The following HTR2A variants were observed in gnomAD, a reference collection of about 807,000 sequenced individuals.
The protein encoded by HTR2A is 5-HT2 receptor.
In HTR2A, 14 loss-of-function variants were observed where a neutral mutation model predicts 31.0. That is an observed-to-expected ratio of 0.45 (90% CI 0.30 to 0.71). The LOEUF is 0.71. Among genes scored for constraint, HTR2A ranks in the 30% least tolerant of loss-of-function variants. The pLI is 0.09. For missense variants in HTR2A, 442 were observed against 573.3 expected, an observed-to-expected ratio of 0.77 and a Z score of 2.34; for synonymous variants, 209 against 225.2, an observed-to-expected ratio of 0.93 and a Z score of 0.64.
At chr13:46,886,807 A>C (rs1162734989) in intron 3 of HTR2A, among the ~76,000 whole-genome samples, 1 of 152,196 alleles carries the variant, frequency 6.6e-6, no homozygotes, top group Non-Finnish European at 1.5e-5. Flanking sequence ...AGATTGAGAG[A>C]CCGAATAGCT....
chr13:46,866,862 A>G (rs1329647309), intron 3 of HTR2A, among the ~76,000 whole-genome samples: 1 of 152,158 alleles, frequency 6.6e-6, no homozygotes, highest in Non-Finnish European at 1.5e-5. Flanking sequence ...CATATTCTCT[A>G]CTAAAAATAC....
chr13:46,835,025 A>G lies in HTR2A; in HGVS notation c.1228T>C (p.Leu410=), dbSNP rs752143487. 6.2e-7 allele frequency: 1 copy of G among 1,614,118 alleles called. No individual in the cohort carries two copies. The highest frequency in any genetic ancestry group is 1.7e-5 in the Admixed American group (1 of 60,006). Residue 410 remains leucine (L), a synonymous_variant, in exon 4 of 4, where the codon TTA becomes CTA. Coordinates refer to ENST00000542664, the MANE Select transcript of HTR2A (RefSeq NM_000621.5). ...GCCAAAGCCGGTATTGTGTTCACTA[A>G]AATTAACTGCAATGGTTTTTTGTTT... is the stretch of plus-strand genomic sequence containing the variant. ...KENKKPLQLI[L]VNTIPALAYK...
chr13:46,891,060 C>T (rs1292346547), intron 3 of HTR2A, among the ~76,000 whole-genome samples: 1 of 152,188 alleles, frequency 6.6e-6, no homozygotes, highest in African/African-American at 2.4e-5. Flanking sequence ...ACAGAAAGAA[C>T]AGGGCATGGT....
chr13:46,888,065 CTTAAAAG>C (rs1439072439), intron 3 of HTR2A, among the ~76,000 whole-genome samples: 1 of 130,844 alleles, frequency 7.6e-6, no homozygotes, highest in Non-Finnish European at 1.6e-5. Flanking sequence ...TACCCCTGAA[CTTAAAAG>C]TTGAAGAACA....
At chr13:46,878,496 A>G (rs1950933244) in intron 3 of HTR2A, among the ~76,000 whole-genome samples, 1 of 152,154 alleles carries the variant, frequency 6.6e-6, no homozygotes, top group African/African-American at 2.4e-5. Context: ...TCATGCTGGG[A>G]TGTGGATTAT....
At chr13:46,837,526 C>T (rs1923882) in intron 3 of HTR2A, among the ~76,000 whole-genome samples, 39,936 of 152,072 alleles carry the variant, frequency 0.26, 5,557 homozygotes, top group African/African-American at 0.35. Context: ...AATTGTAGAA[C>T]AAAGAGTGTT....
chr13:46,869,338 C>T (rs555158435), intron 3 of HTR2A, among the ~76,000 whole-genome samples: 98 of 152,222 alleles, frequency 6.4e-4, no homozygotes, highest in Middle Eastern at 3.4e-3. Context: ...AAATGATCAA[C>T]GTCAGTAGTC....
intron 3 of HTR2A, among the ~76,000 whole-genome samples, chr13:46,843,623 T>C (rs1469192813): frequency 2.0e-5 from 3 of 152,078 alleles, no homozygotes; most frequent in South Asian, 2.1e-4. Flanking sequence ...GGCTGTGCCA[T>C]GCTGGGCTGT....
intron 3 of HTR2A, among the ~76,000 whole-genome samples, chr13:46,879,410 G>C (rs1950942882): frequency 6.6e-6 from 1 of 152,214 alleles, no homozygotes; most frequent in Non-Finnish European, 1.5e-5. Flanking sequence ...AACAATAAAA[G>C]GGAAGGAGGC....
At chr13:46,859,488 A>G (rs1273588579) in intron 3 of HTR2A, among the ~76,000 whole-genome samples, 1 of 152,124 alleles carries the variant, frequency 6.6e-6, no homozygotes, top group African/African-American at 2.4e-5. Context: ...GTGAAATTAT[A>G]ATCTCCAATG....
intron 3 of HTR2A, among the ~76,000 whole-genome samples, chr13:46,836,972 A>C (rs1950565586): frequency 6.6e-6 from 1 of 152,200 alleles, no homozygotes; most frequent in Non-Finnish European, 1.5e-5. Context: ...CAAGACAGCC[A>C]TAGACTTTTT....
intron 3 of HTR2A, among the ~76,000 whole-genome samples, chr13:46,855,353 T>C (rs1006310523): frequency 3.9e-5 from 6 of 152,208 alleles, no homozygotes; most frequent in Admixed American, 3.9e-4. Flanking sequence ...GGCTGATATG[T>C]AACCACTATG....
At chr13:46,860,713 T>C (rs891543513) in intron 3 of HTR2A, among the ~76,000 whole-genome samples, 1 of 152,202 alleles carries the variant, frequency 6.6e-6, no homozygotes, top group African/African-American at 2.4e-5. Flanking sequence ...TTACCCCCGA[T>C]TTATCAACAA....
chr13:46,892,329 G>A lies in HTR2A; in HGVS notation c.613+61C>T, dbSNP rs1018864617. The A allele has an allele frequency of 4.0e-6, 6 of 1,501,582 alleles. No individual in the cohort carries two copies. The Admixed American group carries it at 1.0e-4, about 25-fold the overall frequency. The allele number at this position is 1,501,582 out of a possible 1,614,324, so 93.0% of individuals were successfully genotyped here. A position where few individuals can be genotyped will look rare whatever the true frequency, so the allele number is the denominator to read the frequency against. ...GTTTCAGTACAACAAAATGGAACAAGTCTTTTCAGAAAGCACGAACTGTCA... is the reference window on the plus strand; with the variant it reads ...GTTTCAGTACAACAAAATGGAACAAATCTTTTCAGAAAGCACGAACTGTCA... On this transcript the variant is annotated intron_variant, in intron 3 of 3. Coordinates refer to ENST00000542664, the MANE Select transcript of HTR2A (RefSeq NM_000621.5).
rs572796124 is a variant in HTR2A, at chr13:46,895,752, C to T, written c.155G>A (p.Arg52Gln). Residue 52 changes from arginine to glutamine, a missense_variant, in exon 2 of 4, where the codon CGA becomes CAA. By Grantham distance (43) the Arg-to-Gln change is conservative (BLOSUM62 1). Transcript: ENST00000542664. This position sits in a 1 kb window ranked among gnomAD's most constrained non-coding sequence, Gnocchi z 4.4. ...GCACCCTTCACAGGAAAGGTTGGTT[C>T]GATTTTCAGAGTCGACTGTCCAGTT... ...AFNWTVDSEN[R>Q]TNLSCEGCLS... 12 of 1,614,114 alleles carry T rather than the reference C, an allele frequency of 7.4e-6. No individual in the cohort carries two copies. The East Asian group carries it at 1.1e-4, about 15-fold the overall frequency.
chr13:46,839,822 C>T (rs1157926519), intron 3 of HTR2A, among the ~76,000 whole-genome samples: 1 of 152,164 alleles, frequency 6.6e-6, no homozygotes, highest in African/African-American at 2.4e-5. Context: ...ACTTCCTGCA[C>T]ATAAACTTTG....
chr13:46,891,026 C>G (rs1252729465), intron 3 of HTR2A, among the ~76,000 whole-genome samples: 3 of 152,142 alleles, frequency 2.0e-5, no homozygotes, highest in Non-Finnish European at 4.4e-5. Context: ...TTTCTAGGAG[C>G]AAAAACTGTT....
intron 3 of HTR2A, among the ~76,000 whole-genome samples, chr13:46,878,607 G>A (rs1950934335): frequency 6.6e-6 from 1 of 152,128 alleles, no homozygotes; most frequent in African/African-American, 2.4e-5. Flanking sequence ...GGTCTCTGGA[G>A]AATATTACCA....
intron 3 of HTR2A, among the ~76,000 whole-genome samples, chr13:46,848,968 C>T (rs1475383054): frequency 6.6e-6 from 1 of 152,150 alleles, no homozygotes; most frequent in African/African-American, 2.4e-5. Context: ...ACCTCCACCC[C>T]AAGGGCTAAG....
Sources: allele counts gnomAD v4.1 joint callset (sites outside exome capture counted in the v4.1 genomes callset), GRCh38; gene constraint gnomAD v4.1.1; non-coding constraint Gnocchi (gnomAD v3.1); transcripts MANE v1.5; gene names NCBI Gene and HGNC (gene_info 2026-07-23, HGNC 2026-07-21).